Variants in ZFAND5 observed in about 807,000 individuals in gnomAD.
The protein encoded by ZFAND5 is AN1-type zinc finger protein 5.
ZFAND5 carries 4 observed loss-of-function variants against 23.6 expected under a neutral mutation model. That is an observed-to-expected ratio of 0.17 (90% CI 0.08 to 0.39). The LOEUF is 0.39. ZFAND5 is among the 10% of genes least tolerant of loss of function. The probability of loss-of-function intolerance (pLI) is 1.00; values close to 1 mark genes in which losing one functional copy is unlikely to be tolerated. For synonymous variants in ZFAND5, 68 were observed against 80.6 expected (o/e 0.84, Z 0.84); for missense variants, 161 against 253.7 (o/e 0.63, Z 2.48).
chr9:72,364,573 G>A (rs925606866), intron 1 of ZFAND5, 123 bp downstream of exon 1: 33 of 1,257,206 alleles, frequency 2.6e-5, no homozygotes, highest in Middle Eastern at 2.2e-4. Context: ...CCCTCCCCCG[G>A]ACGCCGCCAT....
At chr9:72,358,180 G>C (rs1841998303) in intron 5 of ZFAND5, among the ~76,000 whole-genome samples, 2 of 152,062 alleles carry the variant, frequency 1.3e-5, no homozygotes, top group African/African-American at 2.4e-5. Flanking sequence ...CATTAGCAAT[G>C]AATCTACTGG....
Position 72,356,101 on chromosome 9 carries a change from C to T in ZFAND5, c.494G>A (p.Gly165Glu). ...FMCRKKVGLT[G>E]FDCRCGNLFC... is the part of the protein sequence containing the mutation. Reference sequence around the variant, plus strand: ...CAAATTTCCACATCGGCAGTCAAACCCTGTACAAACGAAGAAGTAGAGTCA... The same window carrying T: ...CAAATTTCCACATCGGCAGTCAAACTCTGTACAAACGAAGAAGTAGAGTCA... The change falls in exon 7 of 7, where the codon GGG becomes GAG. Residue 165 changes from glycine to glutamate, a missense_variant and splice_region_variant. Coordinates refer to ENST00000376962, the MANE Select transcript of ZFAND5 (RefSeq NM_001102420.3). The T allele has an allele frequency of 6.2e-7, 1 of 1,605,940 alleles. No individual in the cohort carries two copies. Among genetic ancestry groups the T allele is most frequent in the Non-Finnish European group, 8.5e-7 (1 of 1,178,098 alleles).
Position 72,354,009 on chromosome 9 carries a change from T to C in ZFAND5, c.*1944A>G, listed in dbSNP as rs1389552062. On this transcript the variant is annotated 3_prime_UTR_variant, in exon 7 of 7. Transcript: ENST00000376962. The stretch of plus-strand genomic sequence containing the variant: ...ATTTACCCCAGGTAAAGTCAACATG[T>C]ACCTGTCACCCCTTGTTCTTTATGA... 6.6e-6 allele frequency: 1 copy of C among 152,188 alleles called. No individual in the cohort carries two copies. The highest frequency in any genetic ancestry group is 1.5e-5 in the Non-Finnish European group (1 of 68,034). 9.4% of individuals were successfully genotyped at this position (152,188 alleles called of 1,614,324 possible). A position where few individuals can be genotyped will look rare whatever the true frequency, so the allele number is the denominator to read the frequency against.
In ZFAND5 at chr9:72,353,050, G is replaced by GC. The variant is rs914350508; in HGVS notation, c.*2902_*2903insG. 8.5e-5 allele frequency: 13 copies of GC among 152,364 alleles called. No homozygotes were observed. Among genetic ancestry groups the GC allele is most frequent in the African/African-American group, 2.9e-4 (12 of 41,580 alleles). The allele number at this position is 152,364 out of a possible 1,614,324, so 9.4% of individuals were successfully genotyped here. A position where few individuals can be genotyped will look rare whatever the true frequency, so the allele number is the denominator to read the frequency against. ...TCTAGTTTTACAGATCAGGCACACT[G>GC]AAGATGAGGTTTTCAAAAAGGACTC... On this transcript the variant is annotated 3_prime_UTR_variant, in exon 7 of 7. Transcript: ENST00000376962.
At chr9:72,364,162 C>G (rs1842188366) in intron 1 of ZFAND5, 3 of 179,084 alleles carry the variant, frequency 1.7e-5, no homozygotes, top group African/African-American at 2.4e-5. Context: ...AAAGGCCTCA[C>G]TCAATAAAGC....
rs1008258214 is a variant in ZFAND5, at chr9:72,351,555, T to A, written c.*4398A>T. On this transcript the variant is annotated 3_prime_UTR_variant, in exon 7 of 7. Transcript: ENST00000376962. ...CAGCACTTGTGCATAGAAATAGCTA[T>A]AAAATATTAAATGGCACTTTTGTAT... is the stretch of plus-strand genomic sequence containing the variant. 2.0e-5 allele frequency: 3 copies of A among 150,826 alleles called. No homozygotes were observed. The highest frequency in any genetic ancestry group is 2.4e-5 in the African/African-American group (1 of 41,120). The allele number at this position is 150,826 out of a possible 1,614,324, so 9.3% of individuals were successfully genotyped here.
chr9:72,352,523 A>C lies in ZFAND5; in HGVS notation c.*3430T>G, dbSNP rs2131964884. 1 of 152,350 alleles carries C rather than the reference A, an allele frequency of 6.6e-6. No individual in the cohort carries two copies. The highest frequency in any genetic ancestry group is 2.1e-4 in the South Asian group (1 of 4,830). 9.4% of individuals were successfully genotyped at this position (152,350 alleles called of 1,614,324 possible). A position where few individuals can be genotyped will look rare whatever the true frequency, so the allele number is the denominator to read the frequency against. On this transcript the variant is annotated 3_prime_UTR_variant, in exon 7 of 7. Coordinates refer to ENST00000376962, the MANE Select transcript of ZFAND5 (RefSeq NM_001102420.3). ...CATGTGAATGTTATTACCAACCCCC[A>C]AAATACAATAATAGTATGCTTAACA...
rs1159174591 is a variant in ZFAND5 at position 72,359,434 on chromosome 9, TGTTTTCGGGGTA to T, written c.339_350del (p.Thr114_Thr117del). 6.2e-6 allele frequency: 10 copies of T among 1,613,182 alleles called. No homozygotes were observed. The highest frequency in any genetic ancestry group is 7.6e-6 in the Non-Finnish European group (9 of 1,179,654). On this transcript the variant is annotated inframe_deletion, in exon 5 of 7. Coordinates refer to ENST00000376962, the MANE Select transcript of ZFAND5 (RefSeq NM_001102420.3). The stretch of plus-strand genomic sequence containing the variant: ...AAAACATACCTGGCTCTGACACCTC[TGTTTTCGGGGTA>T]GTTATTTTGTCCTCTCTTGAAATGC...
At chr9:72,357,557 T>G (rs1841978814) in intron 5 of ZFAND5, among the ~76,000 whole-genome samples, 1 of 152,144 alleles carries the variant, frequency 6.6e-6, no homozygotes, top group African/African-American at 2.4e-5. Context: ...CTCAAACCAT[T>G]CATCCCTAAA....
chr9:72,363,728 G>A, intron 1 of ZFAND5, 122 bp from the exon 2 acceptor site: 1 of 780,704 alleles, frequency 1.3e-6, no homozygotes, highest in Non-Finnish European at 1.6e-6. Context: ...ACTGAGTTCT[G>A]AAAGCCTACT....
intron 5 of ZFAND5, among the ~76,000 whole-genome samples, chr9:72,358,557 G>C (rs1842008232): frequency 6.6e-6 from 1 of 152,022 alleles, no homozygotes; most frequent in Admixed American, 6.6e-5. Flanking sequence ...GGCATCACGG[G>C]CAAACTAATG....
At position 72,359,428 on chromosome 9, in the gene ZFAND5, C is replaced by T. The variant is rs1347618170; in HGVS notation, c.357G>A (p.Val119=). ...EDKITTPKTE[V]SEPVVTQPSP... ...AAATGAAAAACATACCTGGCTCTGA[C>T]ACCTCTGTTTTCGGGGTAGTTATTT... The change falls in exon 5 of 7, where the codon GTG becomes GTA. Residue 119 remains valine, a synonymous_variant. Coordinates refer to ENST00000376962, the MANE Select transcript of ZFAND5 (RefSeq NM_001102420.3). 1 of 1,612,862 alleles carries T rather than the reference C, an allele frequency of 6.2e-7. No individual in the cohort carries two copies. Among genetic ancestry groups the T allele is most frequent in the African/African-American group, 1.3e-5 (1 of 74,854 alleles).
intron 2 of ZFAND5, 39 bp from the exon 3 acceptor site, chr9:72,360,826 C>T: frequency 6.4e-7 from 1 of 1,553,030 alleles, no homozygotes; most frequent in South Asian, 1.2e-5. Context: ...AGTGTTATCA[C>T]CAAAATATAG....
At chr9:72,360,917 G>C in intron 2 of ZFAND5, 130 bp from the exon 3 acceptor site, 1 of 786,680 alleles carries the variant, frequency 1.3e-6, no homozygotes, top group African/African-American at 1.8e-5. Context: ...CATTAAAAAG[G>C]GTGGGCAGAG....
In ZFAND5 at chr9:72,360,137, G is replaced by A. The variant is rs1842056599; in HGVS notation, c.236C>T (p.Ala79Val). 3 of 1,611,784 alleles carry A rather than the reference G, an allele frequency of 1.9e-6. No individual in the cohort carries two copies. The highest frequency in any genetic ancestry group is 2.5e-6 in the Non-Finnish European group (3 of 1,179,088). ...TGATTTTTCAGATGTGCTGCCAGCA[G>A]CACCTTCACAGTTGTTTAAGCTAGT... ...ADTSLNNCEG[A>V]AGSTSEKSRN... Residue 79 changes from alanine (A) to valine (V), a missense_variant, in exon 4 of 7, where the codon GCT becomes GTT. By Grantham distance (64) the Ala-to-Val change is moderately conservative. Around this residue, in one of 3 missense-constraint regions of ZFAND5, gnomAD observed 116 missense variants for 115.2 expected, o/e 1.01. Coordinates refer to ENST00000376962, the MANE Select transcript of ZFAND5 (RefSeq NM_001102420.3).
chr9:72,357,084 C>A (rs1345624221), intron 5 of ZFAND5, 28 bp from the exon 6 acceptor site: 2 of 1,600,148 alleles, frequency 1.2e-6, no homozygotes, highest in Non-Finnish European at 1.7e-6. Flanking sequence ...ACAAATTTGT[C>A]AAGCATTCAC....
chr9:72,357,010 C>CT lies in ZFAND5; in HGVS notation c.413dup (p.Ser139GlufsTer2). The CT allele has an allele frequency of 6.2e-7, 1 of 1,613,710 alleles. No individual in the cohort carries two copies. Among genetic ancestry groups the CT allele is most frequent in the Non-Finnish European group, 8.5e-7 (1 of 1,179,774 alleles). On this transcript the variant is annotated frameshift_variant, in exon 6 of 7. Coordinates refer to ENST00000376962, the MANE Select transcript of ZFAND5 (RefSeq NM_001102420.3). LOFTEE classifies it high-confidence loss of function. Reference sequence around the variant, plus strand: ...GCAATTCAGGAGCTTTTTCTTCACTCTGAGAAGTACTGGGCTGAGAAACTG... The same window carrying CT: ...GCAATTCAGGAGCTTTTTCTTCACTCTTGAGAAGTACTGGGCTGAGAAACTG...
rs1034001788 is a variant in ZFAND5 at position 72,365,178 on chromosome 9, T to C, written c.-629A>G. On this transcript the variant is annotated 5_prime_UTR_variant, in exon 1 of 7. Coordinates refer to ENST00000376962, the MANE Select transcript of ZFAND5 (RefSeq NM_001102420.3). ...GGAGCGAGCGAGCCCGCGTAGGAGA[T>C]GCACACAGCTCCGCGTCCCGGCCGA... The C allele has an allele frequency of 4.6e-5, 7 of 152,242 alleles. No individual in the cohort carries two copies. The highest frequency in any genetic ancestry group is 7.2e-5 in the African/African-American group (3 of 41,552). The allele number at this position is 152,242 out of a possible 1,614,324, so 9.4% of individuals were successfully genotyped here.
In ZFAND5 at chr9:72,358,929, C is replaced by G. The variant is rs150130079; in HGVS notation, c.367+489G>C. Among the ~76,000 whole-genome samples, 4 of 152,024 alleles carry G rather than the reference C, an allele frequency of 2.6e-5. No individual in the cohort carries two copies. In the East Asian group the frequency reaches 5.8e-4, roughly 22 times the overall value. On this transcript the variant is annotated intron_variant, in intron 5 of 6. Coordinates refer to ENST00000376962, the MANE Select transcript of ZFAND5 (RefSeq NM_001102420.3). ...TATATAAGCAAAGTTTCCAAAGTCA[C>G]CATATCTCATGAAAACCAAAATGCC...
Sources: allele counts gnomAD v4.1 joint callset (sites outside exome capture counted in the v4.1 genomes callset), GRCh38; gene constraint gnomAD v4.1.1; regional missense constraint gnomAD v4.1.1; transcripts MANE v1.5; gene names NCBI Gene and HGNC (gene_info 2026-07-23, HGNC 2026-07-21).